The following ELMO1 variants were observed in gnomAD, a reference collection of about 807,000 sequenced individuals.
ELMO1 encodes engulfment and cell motility 1.
ELMO1 carries 26 observed loss-of-function variants against 98.9 expected under a neutral mutation model. That is an observed-to-expected ratio of 0.26 (90% CI 0.19 to 0.36). The LOEUF (loss-of-function observed/expected upper bound fraction) is 0.36, where lower values mean the gene tolerates loss of function less well. ELMO1 is among the 10% of genes least tolerant of loss of function. The probability of loss-of-function intolerance (pLI) is 1.00; values close to 1 mark genes in which losing one functional copy is unlikely to be tolerated. For missense variants in ELMO1, 627 were observed against 935.2 expected (o/e 0.67, Z 4.30); for synonymous variants, 346 against 346.0 (o/e 1.00, Z 0.00).
At chr7:36,983,094 T>G (rs1305634428) in intron 16 of ELMO1, among the ~76,000 whole-genome samples, 2 of 152,228 alleles carry the variant, frequency 1.3e-5, no homozygotes, top group Non-Finnish European at 2.9e-5. Flanking sequence ...CTTTGGCCAC[T>G]GCAAATCATT....
intron 16 of ELMO1, among the ~76,000 whole-genome samples, chr7:36,910,971 G>C (rs1784303925): frequency 6.6e-6 from 1 of 152,120 alleles, no homozygotes; most frequent in Non-Finnish European, 1.5e-5. Context: ...GAATAAGCTT[G>C]TGAGAAAATG....
At chr7:36,881,711 A>C (rs1232836521) in intron 18 of ELMO1, among the ~76,000 whole-genome samples, 1 of 152,172 alleles carries the variant, frequency 6.6e-6, no homozygotes, top group African/African-American at 2.4e-5. Context: ...CAGAGTTCAC[A>C]AGCCTGGTAA....
chr7:37,197,989 T>C (rs888128814), intron 13 of ELMO1, among the ~76,000 whole-genome samples: 1 of 152,204 alleles, frequency 6.6e-6, no homozygotes, highest in East Asian at 1.9e-4. Flanking sequence ...TCATGGACAG[T>C]AATATTGATT....
chr7:36,945,677 C>T (rs1413278570), intron 16 of ELMO1, among the ~76,000 whole-genome samples: 8 of 152,180 alleles, frequency 5.3e-5, no homozygotes, highest in African/African-American at 1.9e-4. Flanking sequence ...CTTGCTGTGG[C>T]TCCATACCCC....
At chr7:37,042,640 C>T (rs557886269) in intron 15 of ELMO1, among the ~76,000 whole-genome samples, 41 of 152,312 alleles carry the variant, frequency 2.7e-4, no homozygotes, top group African/African-American at 9.4e-4. Context: ...CAGACGTTCA[C>T]TTCCAAAATC....
intron 16 of ELMO1, among the ~76,000 whole-genome samples, chr7:36,982,308 T>A (rs1299889102): frequency 3.9e-5 from 6 of 152,212 alleles, no homozygotes; most frequent in Non-Finnish European, 8.8e-5. Flanking sequence ...AGACTTAACA[T>A]GAAAAATTCA....
At chr7:37,271,755 T>C (rs2130857205) in intron 5 of ELMO1, 77 bp downstream of exon 5, 2 of 1,502,054 alleles carry the variant, frequency 1.3e-6, no homozygotes, top group Non-Finnish European at 1.8e-6. Context: ...ACCTCAAAAA[T>C]TAATATCCCA....
intron 16 of ELMO1, among the ~76,000 whole-genome samples, chr7:36,980,282 AGC>A (rs1207099756): frequency 3.3e-5 from 5 of 152,244 alleles, no homozygotes; most frequent in African/African-American, 1.2e-4. Flanking sequence ...AATCAGTTTC[AGC>A]TGTAAGACAA....
At chr7:37,370,697 A>C (rs977287439) in intron 1 of ELMO1, among the ~76,000 whole-genome samples, 1 of 151,920 alleles carries the variant, frequency 6.6e-6, no homozygotes, top group Non-Finnish European at 1.5e-5. Flanking sequence ...GAATGCAGAG[A>C]CCCCCCGCCA....
intron 16 of ELMO1, among the ~76,000 whole-genome samples, chr7:36,954,150 C>T (rs1457201264): frequency 1.3e-5 from 2 of 152,122 alleles, no homozygotes; most frequent in Non-Finnish European, 2.9e-5. Flanking sequence ...GGACAGCAGA[C>T]CCCACACAGC....
At chr7:37,083,946 G>A (rs1345024177) in intron 15 of ELMO1, among the ~76,000 whole-genome samples, 3 of 152,204 alleles carry the variant, frequency 2.0e-5, no homozygotes, top group South Asian at 2.1e-4. Flanking sequence ...GGTTAAAGTC[G>A]AACCCATTTC....
intron 17 of ELMO1, among the ~76,000 whole-genome samples, chr7:36,888,905 A>G (rs908833632): frequency 1.3e-5 from 2 of 152,204 alleles, no homozygotes; most frequent in African/African-American, 4.8e-5. Flanking sequence ...AGGTAGTGCA[A>G]TATGCAATTT....
intron 13 of ELMO1, among the ~76,000 whole-genome samples, chr7:37,137,020 A>G (rs1787307600): frequency 6.6e-6 from 1 of 152,174 alleles, no homozygotes; most frequent in African/African-American, 2.4e-5. Flanking sequence ...TGCCTTCAAG[A>G]GACTCACCTA....
chr7:37,161,933 T>TATATATATATATATATATATA, intron 13 of ELMO1, among the ~76,000 whole-genome samples: 1 of 117,252 alleles, frequency 8.5e-6, no homozygotes, highest in South Asian at 2.9e-4. Context: ...TATATATATA[T>TATATATATATATATATATATA]ATGTTAAGCG....
At chr7:37,051,010 T>C (rs1413922067) in intron 15 of ELMO1, among the ~76,000 whole-genome samples, 3 of 152,206 alleles carry the variant, frequency 2.0e-5, no homozygotes, top group Admixed American at 6.5e-5. Context: ...TCATAAACTA[T>C]GGTATTTCCC....
chr7:37,165,566 A>G (rs971413588), intron 13 of ELMO1, among the ~76,000 whole-genome samples: 31 of 152,062 alleles, frequency 2.0e-4, no homozygotes, highest in Non-Finnish European at 5.9e-5. Context: ...AATTTTGTCA[A>G]AGGCCTTTTC....
chr7:36,986,043 C>T (rs1791480999), intron 16 of ELMO1: 1 of 1,001,136 alleles, frequency 1.0e-6, no homozygotes, highest in Middle Eastern at 2.8e-4. Context: ...CAGATGGTTC[C>T]TGAGTAAGCT....
At chr7:37,231,770 A>C (rs112970773) in intron 8 of ELMO1, among the ~76,000 whole-genome samples, 16 of 152,266 alleles carry the variant, frequency 1.1e-4, no homozygotes, top group Admixed American at 4.6e-4. Context: ...TTATTTATCA[A>C]TTTTGATAAC....
chr7:36,872,526 T>C (rs1803613479), intron 19 of ELMO1, among the ~76,000 whole-genome samples: 1 of 152,202 alleles, frequency 6.6e-6, no homozygotes, highest in South Asian at 2.1e-4. Context: ...TCAGACCCCT[T>C]TTCTGCCTCT....
Sources: gnomAD v4.1 joint callset for allele counts (sites outside exome capture counted in the v4.1 genomes callset) on GRCh38, gnomAD v4.1.1 for gene constraint, MANE v1.5 for transcripts, NCBI Gene and HGNC (gene_info 2026-07-23, HGNC 2026-07-21) for gene names.